ZFPM2: variants seen among roughly 807,000 people sequenced by gnomAD.
ZFPM2 encodes the protein zinc finger protein ZFPM2.
Under a neutral mutation model 98.6 loss-of-function variants are expected in ZFPM2, and 20 were observed. That is an observed-to-expected ratio of 0.20 (90% CI 0.14 to 0.29). The LOEUF is 0.29. Ranked by LOEUF, ZFPM2 falls within the 10% of genes least tolerant of loss-of-function variation. The probability of loss-of-function intolerance (pLI) is 1.00; values close to 1 mark genes in which losing one functional copy is unlikely to be tolerated. For missense variants in ZFPM2, 1,310 were observed against 1,388.6 expected (o/e 0.94, Z 0.90); for synonymous variants, 518 against 502.7 (o/e 1.03, Z -0.41).
At chr8:105,524,210 CAA>C (rs1454926753) in intron 3 of ZFPM2, among the ~76,000 whole-genome samples, 1 of 152,116 alleles carries the variant, frequency 6.6e-6, no homozygotes, top group Non-Finnish European at 1.5e-5. Context: ...AAATGCTATA[CAA>C]AAGTATAATC....
At chr8:105,508,153 T>G (rs190187012) in intron 3 of ZFPM2, among the ~76,000 whole-genome samples, 1 of 152,094 alleles carries the variant, frequency 6.6e-6, no homozygotes, top group African/African-American at 2.4e-5. Flanking sequence ...GAGTGTCCAG[T>G]TTCTTTTGGA....
chr8:105,558,339 TC>T (rs1228504397), intron 3 of ZFPM2, among the ~76,000 whole-genome samples: 1 of 152,180 alleles, frequency 6.6e-6, no homozygotes, highest in Admixed American at 6.5e-5. Flanking sequence ...GAAAGGATTT[TC>T]CTAAACCCTG....
chr8:105,707,480 T>G (rs1217813755), intron 5 of ZFPM2, among the ~76,000 whole-genome samples: 1 of 152,126 alleles, frequency 6.6e-6, no homozygotes, highest in Non-Finnish European at 1.5e-5. Flanking sequence ...TCATTTAACA[T>G]GGCATTTGGG....
At chr8:105,405,715 T>C (rs1197486850) in intron 1 of ZFPM2, among the ~76,000 whole-genome samples, 4 of 152,098 alleles carry the variant, frequency 2.6e-5, no homozygotes, top group African/African-American at 9.7e-5. Flanking sequence ...GTCTTTGCTA[T>C]TGTGTATAGT....
intron 3 of ZFPM2, among the ~76,000 whole-genome samples, chr8:105,540,736 A>G (rs1194380663): frequency 2.0e-5 from 3 of 152,208 alleles, no homozygotes; most frequent in South Asian, 4.1e-4. Flanking sequence ...AGCAGACTGC[A>G]TTGTCTCTCT....
intron 5 of ZFPM2, among the ~76,000 whole-genome samples, chr8:105,758,511 T>G (rs1316317061): frequency 6.6e-6 from 1 of 152,158 alleles, no homozygotes; most frequent in Non-Finnish European, 1.5e-5. Flanking sequence ...CAATGAATAT[T>G]TATAATTACT....
chr8:105,724,583 A>G (rs1010210070), intron 5 of ZFPM2, among the ~76,000 whole-genome samples: 1 of 152,022 alleles, frequency 6.6e-6, no homozygotes, highest in Admixed American at 6.6e-5. Context: ...TTTTAAGCAG[A>G]TACTACCAAC....
intron 4 of ZFPM2, among the ~76,000 whole-genome samples, chr8:105,597,549 G>A (rs1403440534): frequency 6.6e-6 from 1 of 151,972 alleles, no homozygotes; most frequent in East Asian, 1.9e-4. Context: ...TCATTAAAGA[G>A]TATAGAGAAC....
intron 3 of ZFPM2, among the ~76,000 whole-genome samples, chr8:105,489,922 T>G (rs1475347425): frequency 6.6e-6 from 1 of 152,132 alleles, no homozygotes; most frequent in South Asian, 2.1e-4. Flanking sequence ...TCATATGATT[T>G]CTGTGTAGCT....
intron 5 of ZFPM2, among the ~76,000 whole-genome samples, chr8:105,678,258 C>T (rs1443964965): frequency 6.6e-6 from 1 of 152,140 alleles, no homozygotes; most frequent in Non-Finnish European, 1.5e-5. Context: ...TATTTCAGAG[C>T]CTACATGACC....
intron 5 of ZFPM2, among the ~76,000 whole-genome samples, chr8:105,671,396 T>C (rs114092985): frequency 0.012 from 1,844 of 152,042 alleles, 32 homozygotes; most frequent in African/African-American, 0.041. Flanking sequence ...CTTTTAGCTA[T>C]AAATATATCA....
chr8:105,321,260 A>G (rs1265474607), intron 1 of ZFPM2, among the ~76,000 whole-genome samples: 1 of 152,162 alleles, frequency 6.6e-6, no homozygotes. Flanking sequence ...GTTTGTGTTG[A>G]TATCCAAAGT....
intron 4 of ZFPM2, among the ~76,000 whole-genome samples, chr8:105,570,752 G>A (rs536120411): frequency 1.3e-5 from 2 of 152,190 alleles, no homozygotes; most frequent in Admixed American, 1.3e-4. Flanking sequence ...TTTGAAAGGT[G>A]GAAACACAAT....
At chr8:105,439,634 T>C (rs942068000) in intron 2 of ZFPM2, among the ~76,000 whole-genome samples, 2 of 152,184 alleles carry the variant, frequency 1.3e-5, no homozygotes, top group African/African-American at 4.8e-5. Flanking sequence ...TTATTGACCC[T>C]ATCTGTGCAT....
chr8:105,487,936 AGC>A (rs3043389), intron 3 of ZFPM2, among the ~76,000 whole-genome samples: 30 of 54,876 alleles, frequency 5.5e-4, no homozygotes, highest in Non-Finnish European at 9.1e-4. Context: ...CTATCTAGCT[AGC>A]TAGCTAGCTA....
intron 3 of ZFPM2, among the ~76,000 whole-genome samples, chr8:105,476,509 A>G (rs1813015319): frequency 6.6e-6 from 1 of 152,046 alleles, no homozygotes; most frequent in African/African-American, 2.4e-5. Context: ...CCAGCACGAA[A>G]TTTGCCAAAA....
At chr8:105,411,403 T>C (rs55661588) in intron 1 of ZFPM2, among the ~76,000 whole-genome samples, 51,237 of 151,502 alleles carry the variant, frequency 0.34, 10,742 homozygotes, top group African/African-American at 0.59. Flanking sequence ...GGGGCCATCT[T>C]ATCTTATACG....
At chr8:105,639,581 T>G (rs941696589) in intron 5 of ZFPM2, among the ~76,000 whole-genome samples, 78 of 152,076 alleles carry the variant, frequency 5.1e-4, no homozygotes, top group Non-Finnish European at 9.7e-4. Flanking sequence ...ACTCTAATCT[T>G]GATTTTCTCA....
chr8:105,456,719 C>A (rs1401927563), intron 3 of ZFPM2, among the ~76,000 whole-genome samples: 3 of 152,166 alleles, frequency 2.0e-5, no homozygotes, highest in African/African-American at 7.2e-5. Flanking sequence ...GTTGCCCAGG[C>A]TGGAGTGCAG....
Sources: gnomAD v4.1 joint callset for allele counts (sites outside exome capture counted in the v4.1 genomes callset) on GRCh38, gnomAD v4.1.1 for gene constraint, MANE v1.5 for transcripts, NCBI Gene and HGNC (gene_info 2026-07-23, HGNC 2026-07-21) for gene names.